The following FHIT variants were observed in gnomAD, a reference collection of about 807,000 sequenced individuals.
FHIT encodes the protein fragile histidine triad diadenosine triphosphatase.
FHIT carries 19 observed loss-of-function variants against 17.9 expected under a neutral mutation model. That is an observed-to-expected ratio of 1.06 (90% confidence interval 0.74 to 1.56). The LOEUF (loss-of-function observed/expected upper bound fraction) is 1.56, where lower values mean the gene tolerates loss of function less well. Ranked by LOEUF, FHIT falls within the 40% of genes most tolerant of loss-of-function variation. The pLI is 0.00. For missense variants in FHIT, 248 were observed against 189.2 expected (o/e 1.31, Z -1.82); for synonymous variants, 81 against 69.7 (o/e 1.16, Z -0.81).
intron 5 of FHIT, among the ~76,000 whole-genome samples, chr3:60,189,848 G>A (rs1332256688): frequency 6.6e-6 from 1 of 152,164 alleles, no homozygotes; most frequent in Admixed American, 6.5e-5. Flanking sequence ...GAGTTGGTTG[G>A]TTAGGTTCTT....
intron 5 of FHIT, among the ~76,000 whole-genome samples, chr3:60,286,263 G>A (rs1290447046): frequency 6.6e-6 from 1 of 152,142 alleles, no homozygotes; most frequent in Non-Finnish European, 1.5e-5. Flanking sequence ...AACAATCTTT[G>A]ACTATTTTTC....
intron 4 of FHIT, among the ~76,000 whole-genome samples, chr3:60,712,809 C>A (rs28797588): frequency 0.83 from 108,436 of 130,834 alleles, 46,712 homozygotes; most frequent in East Asian, 1. Flanking sequence ...GAGACTTAGA[C>A]TCCCACACAA....
At chr3:60,954,349 C>T (rs1433448305) in intron 3 of FHIT, among the ~76,000 whole-genome samples, 2 of 152,160 alleles carry the variant, frequency 1.3e-5, no homozygotes, top group Non-Finnish European at 2.9e-5. Context: ...AAGCTTTTTA[C>T]GACCATTTCC....
At chr3:60,929,164 C>T (rs1191745499) in intron 3 of FHIT, among the ~76,000 whole-genome samples, 1 of 151,870 alleles carries the variant, frequency 6.6e-6, no homozygotes, top group Non-Finnish European at 1.5e-5. Context: ...AAATTCAACC[C>T]TTCATGCTAA....
At chr3:60,180,709 T>C (rs773842813) in intron 5 of FHIT, among the ~76,000 whole-genome samples, 2 of 152,226 alleles carry the variant, frequency 1.3e-5, no homozygotes, top group Non-Finnish European at 1.5e-5. Flanking sequence ...TTGACGTTGA[T>C]GCTTTTTCAC....
At chr3:59,984,579 A>G (rs934993176) in intron 7 of FHIT, among the ~76,000 whole-genome samples, 9 of 152,106 alleles carry the variant, frequency 5.9e-5, no homozygotes, top group Non-Finnish European at 1.2e-4. Flanking sequence ...CCCAGAGTGC[A>G]GAGTAAAAGG....
rs1278497675 is a variant in FHIT, at chr3:60,151,383, A to AG, written c.104-137232_104-137231insC. 3.3e-5 allele frequency among the ~76,000 whole-genome samples: 5 copies of AG among 152,286 alleles called. No homozygotes were observed. In the East Asian group the frequency reaches 9.7e-4, roughly 29 times the overall value. On this transcript the variant is annotated intron_variant, in intron 5 of 9. Coordinates refer to ENST00000492590, the MANE Select transcript of FHIT (RefSeq NM_002012.4). ...ACACCATTATCATCAAGTTGAAACC[A>AG]CCATCACCTGTTTTCTGAGTTACTT...
chr3:60,657,293 G>C (rs1395630539), intron 4 of FHIT, among the ~76,000 whole-genome samples: 2 of 152,172 alleles, frequency 1.3e-5, no homozygotes, highest in Admixed American at 1.3e-4. Flanking sequence ...CATTTGGAGA[G>C]TTCTCAAAAT....
At chr3:60,045,749 A>C (rs2106854572) in intron 5 of FHIT, among the ~76,000 whole-genome samples, 1 of 152,292 alleles carries the variant, frequency 6.6e-6, no homozygotes, top group Admixed American at 6.5e-5. Context: ...AACTGAAAAA[A>C]TTTGAATGTG....
At chr3:60,017,721 T>G (rs1391148933) in intron 5 of FHIT, among the ~76,000 whole-genome samples, 1 of 152,206 alleles carries the variant, frequency 6.6e-6, no homozygotes, top group African/African-American at 2.4e-5. Flanking sequence ...ACATGAACAC[T>G]TTAGGTGTTT....
At chr3:60,489,325 T>C (rs12053887) in intron 5 of FHIT, among the ~76,000 whole-genome samples, 14,661 of 152,196 alleles carry the variant, frequency 0.096, 1,131 homozygotes, top group East Asian at 0.39. Context: ...CATTTTAAAA[T>C]GTGTGTGTAT....
At chr3:60,940,603 G>A (rs1254282087) in intron 3 of FHIT, among the ~76,000 whole-genome samples, 1 of 152,120 alleles carries the variant, frequency 6.6e-6, no homozygotes, top group African/African-American at 2.4e-5. Context: ...AGGGTTATAT[G>A]ATGACATCTT....
chr3:60,347,326 G>A (rs950912198), intron 5 of FHIT, among the ~76,000 whole-genome samples: 3 of 151,944 alleles, frequency 2.0e-5, no homozygotes, highest in Non-Finnish European at 2.9e-5. Flanking sequence ...TTTCAAAGGA[G>A]TCATTAGAAT....
At chr3:60,213,657 A>G (rs1576318443) in intron 5 of FHIT, among the ~76,000 whole-genome samples, 2 of 152,196 alleles carry the variant, frequency 1.3e-5, no homozygotes, top group East Asian at 1.9e-4. Context: ...ACACTTTACC[A>G]TAACATCTCC....
chr3:60,199,662 TTC>T (rs1553710305), intron 5 of FHIT, among the ~76,000 whole-genome samples: 4 of 152,158 alleles, frequency 2.6e-5, no homozygotes, highest in African/African-American at 9.6e-5. Flanking sequence ...AGTTTAATAT[TTC>T]TGTTATGTTT....
chr3:60,344,561 T>C (rs915923417), intron 5 of FHIT, among the ~76,000 whole-genome samples: 1 of 152,114 alleles, frequency 6.6e-6, no homozygotes, highest in Non-Finnish European at 1.5e-5. Context: ...TTATGCTCTC[T>C]CTTGAGGCCA....
chr3:60,426,227 G>C (rs529087754), intron 5 of FHIT, among the ~76,000 whole-genome samples: 1 of 152,268 alleles, frequency 6.6e-6, no homozygotes, highest in African/African-American at 2.4e-5. Flanking sequence ...TTAAGTGAGT[G>C]AATACTTGCC....
intron 4 of FHIT, among the ~76,000 whole-genome samples, chr3:60,737,790 A>G (rs1199735267): frequency 6.6e-6 from 1 of 152,156 alleles, no homozygotes; most frequent in African/African-American, 2.4e-5. Context: ...GTGGGGTGGG[A>G]GCAGGGTTAC....
intron 4 of FHIT, among the ~76,000 whole-genome samples, chr3:60,799,239 A>T (rs1353270817): frequency 6.6e-6 from 1 of 150,450 alleles, no homozygotes; most frequent in Admixed American, 6.6e-5. Flanking sequence ...CAATGGCGCA[A>T]TCTCGGCTCA....
Sources: allele counts gnomAD v4.1 joint callset (sites outside exome capture counted in the v4.1 genomes callset), GRCh38; gene constraint gnomAD v4.1.1; transcripts MANE v1.5; gene names NCBI Gene and HGNC (gene_info 2026-07-23, HGNC 2026-07-21).